TMTC1: variants seen among roughly 807,000 people sequenced by gnomAD.
TMTC1 encodes the protein transmembrane O-mannosyltransferase targeting cadherins 1.
Under a neutral mutation model 104.8 loss-of-function variants are expected in TMTC1, and 73 were observed. The ratio of observed to expected loss-of-function variants is 0.70; its 90% CI spans 0.58 to 0.85. TMTC1 has a LOEUF of 0.85. Ranked by LOEUF, TMTC1 falls within the 40% of genes least tolerant of loss-of-function variation. The pLI is 0.00. For missense variants in TMTC1, 1,035 were observed against 1,096.1 expected (o/e 0.94, Z 0.79); for synonymous variants, 434 against 428.7 (o/e 1.01, Z -0.15).
At chr12:29,611,928 C>A (rs962020687) in intron 6 of TMTC1, among the ~76,000 whole-genome samples, 3 of 152,078 alleles carry the variant, frequency 2.0e-5, no homozygotes, top group Non-Finnish European at 4.4e-5. Context: ...CCCACTGAAG[C>A]CTCATGATAA....
At chr12:29,589,899 G>A (rs1780258949) in intron 7 of TMTC1, among the ~76,000 whole-genome samples, 1 of 152,196 alleles carries the variant, frequency 6.6e-6, no homozygotes, top group Non-Finnish European at 1.5e-5. Flanking sequence ...TTTCATAAAT[G>A]AGGAAACTAA....
At chr12:29,755,235 T>G (rs1943186385) in intron 4 of TMTC1, among the ~76,000 whole-genome samples, 1 of 152,210 alleles carries the variant, frequency 6.6e-6, no homozygotes, top group Admixed American at 6.5e-5. Context: ...ACTGGCTCTT[T>G]GTGGAATTCC....
At chr12:29,753,642 T>C (rs1474935377) in intron 4 of TMTC1, among the ~76,000 whole-genome samples, 1 of 152,266 alleles carries the variant, frequency 6.6e-6, no homozygotes, top group Non-Finnish European at 1.5e-5. Context: ...TTACATCCTC[T>C]GGTTCCTTCC....
chr12:29,537,896 G>A (rs1592194913), intron 10 of TMTC1, among the ~76,000 whole-genome samples: 2 of 152,124 alleles, frequency 1.3e-5, no homozygotes, highest in Admixed American at 6.6e-5. Context: ...AGACCTTGGG[G>A]AAAAAACCGC....
intron 5 of TMTC1, among the ~76,000 whole-genome samples, chr12:29,668,434 T>C (rs1940367369): frequency 6.7e-6 from 1 of 149,508 alleles, no homozygotes; most frequent in African/African-American, 2.5e-5. Flanking sequence ...GGATTCCACA[T>C]TCAAACCATA....
At chr12:29,588,792 C>G (rs756221802) in intron 7 of TMTC1, among the ~76,000 whole-genome samples, 1 of 152,014 alleles carries the variant, frequency 6.6e-6, no homozygotes, top group Non-Finnish European at 1.5e-5. Context: ...TGTGCCACGC[C>G]GATACATCCT....
chr12:29,771,276 C>T (rs1001989582), intron 1 of TMTC1, among the ~76,000 whole-genome samples: 14 of 151,902 alleles, frequency 9.2e-5, no homozygotes, highest in African/African-American at 2.2e-4. Context: ...CAGGATTAGA[C>T]GGAATAGTGG....
chr12:29,514,532 TGAAAAA>T lies in TMTC1; in HGVS notation c.2374_2379del (p.Phe792_Phe793del), dbSNP rs1466520998. On this transcript the variant is annotated inframe_deletion, in exon 16 of 18. Transcript: ENST00000539277. ...TGCTCTCTTAATTGGTTTCCTTTTGTGAAAAAAAGTTCAGAAATGACTTTTGGGTCC... is the reference window on the plus strand; with the variant it reads ...TGCTCTCTTAATTGGTTTCCTTTTGTAAGTTCAGAAATGACTTTTGGGTCC... 6.2e-7 allele frequency: 1 copy of T among 1,614,074 alleles called. No homozygotes were observed. The highest frequency in any genetic ancestry group is 1.7e-5 in the Admixed American group (1 of 60,006).
chr12:29,695,077 G>A (rs962385159), intron 5 of TMTC1, among the ~76,000 whole-genome samples: 8 of 152,082 alleles, frequency 5.3e-5, no homozygotes, highest in African/African-American at 1.9e-4. Context: ...ACAGCTCCTG[G>A]TGGCTCCAGG....
intron 5 of TMTC1, among the ~76,000 whole-genome samples, chr12:29,716,513 C>G (rs1038248593): frequency 6.6e-6 from 1 of 151,912 alleles, no homozygotes; most frequent in Non-Finnish European, 1.5e-5. Flanking sequence ...TAAAAATATT[C>G]ATAATTAATA....
chr12:29,602,230 C>T (rs921337470), intron 7 of TMTC1, among the ~76,000 whole-genome samples: 2 of 152,180 alleles, frequency 1.3e-5, no homozygotes, highest in African/African-American at 4.8e-5. Context: ...GCATCCTCAA[C>T]CTTCCGGGCT....
chr12:29,594,422 CTTT>C (rs1240146614), intron 7 of TMTC1, among the ~76,000 whole-genome samples: 1 of 152,214 alleles, frequency 6.6e-6, no homozygotes, highest in Non-Finnish European at 1.5e-5. Flanking sequence ...GTCCATCGTT[CTTT>C]AATTCCCTAC....
chr12:29,632,117 T>G (rs1465052216), intron 6 of TMTC1, among the ~76,000 whole-genome samples: 1 of 152,200 alleles, frequency 6.6e-6, no homozygotes, highest in African/African-American at 2.4e-5. Flanking sequence ...AAATTTTTGC[T>G]GCTCTGTTTC....
intron 5 of TMTC1, among the ~76,000 whole-genome samples, chr12:29,712,860 C>G (rs1310569968): frequency 5.3e-5 from 8 of 152,152 alleles, no homozygotes; most frequent in Non-Finnish European, 1.2e-4. Context: ...TACTGGTCTA[C>G]CTTCAACTTG....
At chr12:29,778,935 T>A (rs1943772698) in intron 1 of TMTC1, among the ~76,000 whole-genome samples, 2 of 152,208 alleles carry the variant, frequency 1.3e-5, no homozygotes, top group Non-Finnish European at 2.9e-5. Context: ...GTGAATGGAC[T>A]TGAAGTAGGG....
At position 29,594,622 on chromosome 12, in the gene TMTC1, GGAAA is replaced by G. The variant is rs548417840; in HGVS notation, c.1250+9552_1250+9555del. On this transcript the variant is annotated intron_variant, in intron 7 of 17. Coordinates refer to ENST00000539277, the MANE Select transcript of TMTC1 (RefSeq NM_001193451.2). ...TTGAGATGTATTCTCTAAGAGAAAA[GGAAA>G]GAAAGAAATTCACCAATAACAACAA... Among the ~76,000 whole-genome samples, 187 of 152,298 alleles carry G rather than the reference GGAAA, an allele frequency of 1.2e-3. 1 individual carries two copies. Among genetic ancestry groups the G allele is most frequent in the Non-Finnish European group, 6.8e-4 (46 of 68,012 alleles).
At chr12:29,696,506 A>C (rs1190767152) in intron 5 of TMTC1, among the ~76,000 whole-genome samples, 1 of 152,180 alleles carries the variant, frequency 6.6e-6, no homozygotes, top group Non-Finnish European at 1.5e-5. Flanking sequence ...ATATATACTG[A>C]GAAACAGAGG....
chr12:29,770,557 C>A (rs1336608895), intron 1 of TMTC1, among the ~76,000 whole-genome samples: 1 of 152,076 alleles, frequency 6.6e-6, no homozygotes, highest in East Asian at 1.9e-4. Flanking sequence ...AACGTACACA[C>A]AAGAATGCCT....
intron 5 of TMTC1, among the ~76,000 whole-genome samples, chr12:29,652,164 A>AC (rs1466659488): frequency 6.6e-6 from 1 of 152,234 alleles, no homozygotes; most frequent in African/African-American, 2.4e-5. Flanking sequence ...GGGCAGTGTA[A>AC]CAGGGACCAG....
Sources: gnomAD v4.1 joint callset for allele counts (sites outside exome capture counted in the v4.1 genomes callset) on GRCh38, gnomAD v4.1.1 for gene constraint, MANE v1.5 for transcripts, NCBI Gene and HGNC (gene_info 2026-07-23, HGNC 2026-07-21) for gene names.